RABGAP1L: variants seen among roughly 807,000 people sequenced by gnomAD.
RABGAP1L encodes the protein RAB GTPase activating protein 1 like.
RABGAP1L carries 63 observed loss-of-function variants against 137.7 expected under a neutral mutation model. The observed-to-expected ratio is 0.46, with a 90% CI of 0.37 to 0.56. RABGAP1L has a LOEUF of 0.56. Ranked by LOEUF, RABGAP1L falls within the 20% of genes least tolerant of loss-of-function variation. RABGAP1L has a pLI of 0.00. For synonymous variants in RABGAP1L, 431 were observed against 433.7 expected, an observed-to-expected ratio of 0.99 and a Z score of 0.08; for missense variants, 1,095 against 1,244.0, an observed-to-expected ratio of 0.88 and a Z score of 1.80.
intron 1 of RABGAP1L, among the ~76,000 whole-genome samples, chr1:174,217,130 T>C (rs991175759): frequency 2.1e-4 from 32 of 152,042 alleles, no homozygotes; most frequent in African/African-American, 7.5e-4. Flanking sequence ...GAAGTGGAGG[T>C]GAATCAAGGA....
intron 11 of RABGAP1L, among the ~76,000 whole-genome samples, chr1:174,307,523 T>G (rs1396293730): frequency 3.3e-5 from 5 of 152,200 alleles, no homozygotes; most frequent in African/African-American, 4.8e-5. Flanking sequence ...CTTTACCTAT[T>G]TTGCATAATT....
intron 13 of RABGAP1L, among the ~76,000 whole-genome samples, chr1:174,603,925 A>G (rs1255591661): frequency 1.3e-5 from 2 of 151,606 alleles, no homozygotes; most frequent in Non-Finnish European, 2.9e-5. Flanking sequence ...GCTAATTGCA[A>G]GACAAAGTCC....
intron 18 of RABGAP1L, chr1:174,800,526 A>G: frequency 6.5e-7 from 1 of 1,548,310 alleles, no homozygotes; most frequent in Non-Finnish European, 8.7e-7. Flanking sequence ...ATTGAACTTC[A>G]TTTGTAGGGA....
chr1:174,778,996 T>C (rs1686747511), intron 18 of RABGAP1L, among the ~76,000 whole-genome samples: 1 of 152,208 alleles, frequency 6.6e-6, no homozygotes, highest in African/African-American at 2.4e-5. Flanking sequence ...ACTTCCAATT[T>C]AATAACTGTA....
intron 13 of RABGAP1L, among the ~76,000 whole-genome samples, chr1:174,585,830 G>A (rs966359796): frequency 2.6e-5 from 4 of 152,154 alleles, no homozygotes; most frequent in Non-Finnish European, 4.4e-5. Flanking sequence ...GATAGAAGTT[G>A]CCAATGAAAA....
intron 19 of RABGAP1L, among the ~76,000 whole-genome samples, chr1:174,815,716 A>G (rs1433232252): frequency 6.6e-6 from 1 of 152,204 alleles, no homozygotes; most frequent in African/African-American, 2.4e-5. Context: ...AAATAATTTT[A>G]TTTTTCCAAA....
At chr1:174,246,787 C>G (rs1458336545) in intron 5 of RABGAP1L, among the ~76,000 whole-genome samples, 4 of 152,118 alleles carry the variant, frequency 2.6e-5, no homozygotes, top group Non-Finnish European at 5.9e-5. Context: ...CAAAGGACAA[C>G]TGTAATTGGT....
intron 19 of RABGAP1L, among the ~76,000 whole-genome samples, chr1:174,955,465 C>G (rs1012966606): frequency 6.6e-6 from 1 of 152,168 alleles, no homozygotes; most frequent in African/African-American, 2.4e-5. Flanking sequence ...AACAAATTAT[C>G]TGGCCAGATG....
intron 14 of RABGAP1L, among the ~76,000 whole-genome samples, chr1:174,663,446 T>C (rs906761309): frequency 6.6e-6 from 1 of 152,210 alleles, no homozygotes; most frequent in Non-Finnish European, 1.5e-5. Context: ...AGCTATACCA[T>C]ATAGCCTACA....
intron 13 of RABGAP1L, among the ~76,000 whole-genome samples, chr1:174,634,511 T>A (rs1454754682): frequency 4.5e-4 from 65 of 144,142 alleles, no homozygotes; most frequent in African/African-American, 1.8e-3. Context: ...AAATACCATT[T>A]GACCCAGCCA....
At chr1:174,409,810 AACCCC>A (rs1380079930) in intron 13 of RABGAP1L, among the ~76,000 whole-genome samples, 1 of 152,162 alleles carries the variant, frequency 6.6e-6, no homozygotes, top group Non-Finnish European at 1.5e-5. Flanking sequence ...AGGATTGGGA[AACCCC>A]ACCCTGGTAA....
At chr1:174,252,175 G>T (rs1418789003) in intron 6 of RABGAP1L, among the ~76,000 whole-genome samples, 1 of 152,130 alleles carries the variant, frequency 6.6e-6, no homozygotes, top group Non-Finnish European at 1.5e-5. Context: ...GATTACAGGC[G>T]TAAGCCACCG....
At chr1:174,771,754 A>G (rs1462275631) in intron 18 of RABGAP1L, among the ~76,000 whole-genome samples, 5 of 152,250 alleles carry the variant, frequency 3.3e-5, no homozygotes, top group Non-Finnish European at 5.9e-5. Flanking sequence ...GACAGCTACC[A>G]TCAATAACAA....
intron 19 of RABGAP1L, among the ~76,000 whole-genome samples, chr1:174,902,878 TCTTC>T (rs143044857): frequency 0.024 from 3,648 of 152,278 alleles, 140 homozygotes; most frequent in African/African-American, 0.083. Flanking sequence ...CTGAATTCAC[TCTTC>T]CTTTTTCATT....
chr1:174,633,022 G>T (rs1424009149), intron 13 of RABGAP1L, among the ~76,000 whole-genome samples: 1 of 152,130 alleles, frequency 6.6e-6, no homozygotes, highest in East Asian at 1.9e-4. Context: ...ATCTTTGGAA[G>T]TTCTGGCCAG....
At chr1:174,615,560 T>C (rs772428019) in intron 13 of RABGAP1L, among the ~76,000 whole-genome samples, 1 of 152,202 alleles carries the variant, frequency 6.6e-6, no homozygotes, top group Non-Finnish European at 1.5e-5. Context: ...TTCTGTCCAT[T>C]CTCAGATCTC....
intron 7 of RABGAP1L, among the ~76,000 whole-genome samples, chr1:174,258,262 C>A (rs895714018): frequency 6.6e-6 from 1 of 152,116 alleles, no homozygotes; most frequent in African/African-American, 2.4e-5. Flanking sequence ...CAGGTGGCAG[C>A]CTTACCAAGA....
intron 17 of RABGAP1L, among the ~76,000 whole-genome samples, chr1:174,714,215 G>A (rs1680819492): frequency 6.6e-6 from 1 of 151,880 alleles, no homozygotes; most frequent in Non-Finnish European, 1.5e-5. Context: ...TGCTTGGAAT[G>A]AACTACTCAC....
At chr1:174,545,013 C>G (rs1204456837) in intron 13 of RABGAP1L, 1 of 153,476 alleles carries the variant, frequency 6.5e-6, no homozygotes, top group African/African-American at 2.4e-5. Flanking sequence ...CGGTTGGCCC[C>G]TCCTGGGAGG....
Sources: allele counts gnomAD v4.1 joint callset (sites outside exome capture counted in the v4.1 genomes callset), GRCh38; gene constraint gnomAD v4.1.1; transcripts MANE v1.5; gene names NCBI Gene and HGNC (gene_info 2026-07-23, HGNC 2026-07-21).